Variants in SGMS1 observed in about 807,000 individuals in gnomAD.
The protein encoded by SGMS1 is phosphatidylcholine:ceramide cholinephosphotransferase 1.
Under a neutral mutation model 46.2 loss-of-function variants are expected in SGMS1, and 13 were observed. The observed-to-expected ratio is 0.28, with a 90% CI of 0.18 to 0.45. The LOEUF (loss-of-function observed/expected upper bound fraction) is 0.45, where lower values mean the gene tolerates loss of function less well. Among genes scored for constraint, SGMS1 ranks in the 20% least tolerant of loss-of-function variants. SGMS1 has a pLI of 1.00. For missense variants in SGMS1, 324 were observed against 519.9 expected (o/e 0.62, Z 3.66); for synonymous variants, 203 against 187.8 (o/e 1.08, Z -0.66).
chr10:50,608,422 C>T (rs1838716669), intron 1 of SGMS1, among the ~76,000 whole-genome samples: 1 of 152,090 alleles, frequency 6.6e-6, no homozygotes, highest in South Asian at 2.1e-4. Flanking sequence ...GAAAACCCAT[C>T]TGGCTAAAAG....
chr10:50,512,718 C>T (rs966524767), intron 3 of SGMS1, among the ~76,000 whole-genome samples: 2 of 152,222 alleles, frequency 1.3e-5, no homozygotes, highest in South Asian at 2.1e-4. Context: ...GATTAGTAAA[C>T]GCAAGAACTC....
intron 8 of SGMS1, among the ~76,000 whole-genome samples, chr10:50,315,598 A>G (rs915942911): frequency 2.6e-5 from 4 of 152,218 alleles, no homozygotes; most frequent in Admixed American, 6.5e-5. Context: ...GCTGATCCAT[A>G]TATTCTGCCC....
intron 2 of SGMS1, among the ~76,000 whole-genome samples, chr10:50,562,613 G>C (rs1005456897): frequency 2.0e-5 from 3 of 152,126 alleles, no homozygotes; most frequent in Non-Finnish European, 4.4e-5. Context: ...GCGCGATCTC[G>C]TCTCACTGCA....
intron 1 of SGMS1, among the ~76,000 whole-genome samples, chr10:50,616,830 T>C (rs984745628): frequency 6.6e-6 from 1 of 152,158 alleles, no homozygotes; most frequent in Admixed American, 6.5e-5. Context: ...AAAGATGAAA[T>C]GATGACCATG....
intron 1 of SGMS1, among the ~76,000 whole-genome samples, chr10:50,599,608 T>A (rs954975347): frequency 3.3e-5 from 5 of 152,188 alleles, no homozygotes; most frequent in African/African-American, 1.2e-4. Context: ...AGAATGCCTG[T>A]AATCCCATGA....
At chr10:50,616,321 A>T (rs1564445244) in intron 1 of SGMS1, among the ~76,000 whole-genome samples, 1 of 151,244 alleles carries the variant, frequency 6.6e-6, no homozygotes, top group Admixed American at 6.6e-5. Flanking sequence ...TATTTAGTAG[A>T]GACAGGGACT....
At chr10:50,338,542 C>G (rs1459781777) in intron 7 of SGMS1, among the ~76,000 whole-genome samples, 1 of 138,822 alleles carries the variant, frequency 7.2e-6, no homozygotes, top group African/African-American at 2.5e-5. Context: ...CAAGGATTCA[C>G]AGAGACCCCC....
chr10:50,576,113 C>G (rs1488921049), intron 2 of SGMS1, among the ~76,000 whole-genome samples: 1 of 151,982 alleles, frequency 6.6e-6, no homozygotes, highest in Admixed American at 6.6e-5. Context: ...GAGATGGGAA[C>G]CACACCAACC....
chr10:50,508,400 G>C (rs1236513577), intron 3 of SGMS1, among the ~76,000 whole-genome samples: 1 of 152,204 alleles, frequency 6.6e-6, no homozygotes, highest in Non-Finnish European at 1.5e-5. Context: ...CCTAGGGCAA[G>C]TGACACAAGC....
chr10:50,434,056 C>T (rs1481089650), intron 5 of SGMS1, among the ~76,000 whole-genome samples: 3 of 152,224 alleles, frequency 2.0e-5, no homozygotes, highest in Non-Finnish European at 4.4e-5. Context: ...GAACTATGGA[C>T]ACCTAATGCT....
intron 6 of SGMS1, among the ~76,000 whole-genome samples, chr10:50,397,965 A>G (rs1350603373): frequency 6.6e-6 from 1 of 152,192 alleles, no homozygotes; most frequent in Non-Finnish European, 1.5e-5. Context: ...GCTCTTCAGC[A>G]TGTGACTTGG....
At chr10:50,473,732 C>T (rs1837397512) in intron 3 of SGMS1, among the ~76,000 whole-genome samples, 1 of 152,196 alleles carries the variant, frequency 6.6e-6, no homozygotes. Flanking sequence ...TCTGTTCACC[C>T]ACTCCCATTT....
At chr10:50,507,658 A>C (rs1031627802) in intron 3 of SGMS1, among the ~76,000 whole-genome samples, 40 of 152,182 alleles carry the variant, frequency 2.6e-4, no homozygotes, top group African/African-American at 9.4e-4. Flanking sequence ...TTTACCATAG[A>C]ATCCAACCAC....
chr10:50,393,344 G>C (rs1209279695), intron 6 of SGMS1, among the ~76,000 whole-genome samples: 1 of 152,098 alleles, frequency 6.6e-6, no homozygotes, highest in Non-Finnish European at 1.5e-5. Flanking sequence ...AAGTCAACAG[G>C]AGAAGAGAAA....
Position 50,560,260 on chromosome 10 carries a change from T to A in SGMS1, c.-589+29893A>T, listed in dbSNP as rs1024650283. ...ATAATATTATGTAATATACATAATA[T>A]CTAATGTATGTAATATACAGTATAT... On this transcript the variant is annotated intron_variant, in intron 2 of 10. Transcript: ENST00000361781. Among the ~76,000 whole-genome samples the A allele has an allele frequency of 6.3e-4, 90 of 141,762 alleles. 1 individual carries two copies. The highest frequency in any genetic ancestry group is 1.3e-3 in the Non-Finnish European group (87 of 66,474). 93.0% of individuals were successfully genotyped at this position (141,762 alleles called of 152,430 possible).
chr10:50,337,485 T>C (rs1051934681), intron 7 of SGMS1, among the ~76,000 whole-genome samples: 3 of 152,170 alleles, frequency 2.0e-5, no homozygotes, highest in African/African-American at 7.2e-5. Context: ...ATCAAATGCT[T>C]TTAAGAACTT....
At chr10:50,369,303 G>C (rs944591563) in intron 6 of SGMS1, among the ~76,000 whole-genome samples, 1 of 152,196 alleles carries the variant, frequency 6.6e-6, no homozygotes, top group Admixed American at 6.5e-5. Flanking sequence ...TTCAAGACCA[G>C]CCTGGGCAAC....
chr10:50,495,785 G>C (rs1837610216), intron 3 of SGMS1, among the ~76,000 whole-genome samples: 1 of 150,210 alleles, frequency 6.7e-6, no homozygotes, highest in Non-Finnish European at 1.5e-5. Context: ...AAAGAGCAAA[G>C]TTTGGAATAG....
At chr10:50,587,013 T>G (rs1180101558) in intron 2 of SGMS1, among the ~76,000 whole-genome samples, 1 of 152,178 alleles carries the variant, frequency 6.6e-6, no homozygotes, top group African/African-American at 2.4e-5. Context: ...ATCTAATATG[T>G]TGTTGAATGA....
Sources: allele counts gnomAD v4.1 joint callset (sites outside exome capture counted in the v4.1 genomes callset), GRCh38; gene constraint gnomAD v4.1.1; transcripts MANE v1.5; gene names NCBI Gene and HGNC (gene_info 2026-07-23, HGNC 2026-07-21).